CTPS2: variants seen among roughly 807,000 people sequenced by gnomAD.
CTPS2 encodes CTP synthase 2, also known as CTP synthase II.
CTPS2 carries 19 observed loss-of-function variants against 46.8 expected under a neutral mutation model. The ratio of observed to expected loss-of-function variants is 0.41; its 90% confidence interval spans 0.28 to 0.60. The LOEUF is 0.60. CTPS2 is among the 20% of genes least tolerant of loss of function. The probability of loss-of-function intolerance (pLI) is 0.35; values close to 1 mark genes in which losing one functional copy is unlikely to be tolerated. For missense variants in CTPS2, 286 were observed against 447.6 expected, an observed-to-expected ratio of 0.64 and a Z score of 3.26; for synonymous variants, 151 against 165.2, an observed-to-expected ratio of 0.91 and a Z score of 0.66.
intron 13 of CTPS2, chrX:16,654,533 G>A (rs1932773420): frequency 1.0e-6 from 1 of 956,980 alleles, no homozygotes; most frequent in Non-Finnish European, 1.5e-6. Context: ...ATAGAACCCT[G>A]AGCACTGGAG....
At chrX:16,642,982 C>T (rs960907471) in intron 13 of CTPS2, among the ~76,000 whole-genome samples, 1 of 111,960 alleles carries the variant, frequency 8.9e-6, no homozygotes, top group South Asian at 3.7e-4. Context: ...CCAGATTTGT[C>T]CTCTCTTGGA....
intron 14 of CTPS2, among the ~76,000 whole-genome samples, chrX:16,623,085 A>G (rs775799541): frequency 8.9e-6 from 1 of 111,809 alleles, no homozygotes; most frequent in African/African-American, 3.2e-5. Flanking sequence ...CAAAATAGGG[A>G]CCTGACCCTT....
chrX:16,693,336 A>C (rs1371554508), intron 5 of CTPS2, 35 bp downstream of exon 5: 3 of 1,091,281 alleles, frequency 2.7e-6, no homozygotes, highest in Admixed American at 4.4e-5. Flanking sequence ...AAACTTATCA[A>C]AGTTGCTGTC....
chrX:16,698,771 G>A (rs1924330062), intron 3 of CTPS2, 152 bp downstream of exon 3: 1 of 457,950 alleles, frequency 2.2e-6, no homozygotes, highest in Admixed American at 3.9e-5. Flanking sequence ...GGCTGGTCTC[G>A]AACTCCTGAC....
At chrX:16,634,949 C>G (rs1254853314) in intron 14 of CTPS2, among the ~76,000 whole-genome samples, 1 of 84,023 alleles carries the variant, frequency 1.2e-5, no homozygotes, top group Non-Finnish European at 2.4e-5. Flanking sequence ...AACTCTGTCT[C>G]AAAAAGAGAA....
chrX:16,682,952 T>C (rs770471138), intron 9 of CTPS2, 142 bp downstream of exon 9: 62 of 615,076 alleles, frequency 1.0e-4, no homozygotes, highest in Non-Finnish European at 1.5e-4. Flanking sequence ...AGTATAACTA[T>C]ATGATGAGTC....
intron 14 of CTPS2, among the ~76,000 whole-genome samples, chrX:16,629,742 T>C (rs1389719776): frequency 8.9e-6 from 1 of 111,973 alleles, no homozygotes; most frequent in Non-Finnish European, 1.9e-5. Context: ...TTCTTTCAGC[T>C]CTTTCAAATT....
chrX:16,688,674 A>T (rs1026359114), intron 8 of CTPS2, among the ~76,000 whole-genome samples: 1 of 111,681 alleles, frequency 9.0e-6, no homozygotes, highest in Non-Finnish European at 1.9e-5. Flanking sequence ...TGAACAGTTA[A>T]TGAATGCAGG....
intron 14 of CTPS2, among the ~76,000 whole-genome samples, chrX:16,621,057 T>C (rs895652013): frequency 2.3e-4 from 25 of 111,019 alleles, no homozygotes; most frequent in African/African-American, 6.9e-4. Flanking sequence ...TGATAGCACA[T>C]CTATGCCAAC....
In CTPS2 at chrX:16,620,285, G is replaced by A; in HGVS notation, c.1441C>T (p.Arg481Trp). The change falls in exon 15 of 19, where the codon CGG (arginine) becomes TGG (tryptophan). Residue 481 changes from arginine to tryptophan, a missense_variant. By Grantham distance (101) the Arg-to-Trp change is moderately radical. Coordinates refer to ENST00000359276, the MANE Select transcript of CTPS2 (RefSeq NM_175859.3). The part of the protein sequence containing the change: ...VPFIEERHRH[R>W]FEVNPNLIKQ... ...CAGCATGAAAGCCGTACCTCGAACCGATGTCTGTGTCTTTCTTCTATAAAA... is the reference window on the plus strand; with the variant it reads ...CAGCATGAAAGCCGTACCTCGAACCAATGTCTGTGTCTTTCTTCTATAAAA... 4 of 1,201,859 alleles carry A rather than the reference G, an allele frequency of 3.3e-6. No individual in the cohort carries two copies. Among genetic ancestry groups the A allele is most frequent in the Non-Finnish European group, 2.3e-6 (2 of 887,433 alleles).
intron 13 of CTPS2, among the ~76,000 whole-genome samples, chrX:16,640,262 G>A (rs59158729): frequency 0.017 from 1,848 of 111,181 alleles, 33 homozygotes; most frequent in African/African-American, 0.056. Flanking sequence ...TCCTCCCGCC[G>A]TGGCGACTTG....
In CTPS2 at chrX:16,712,393, G is replaced by A. The variant is rs1925531044; in HGVS notation, c.-98C>T. 8.9e-6 allele frequency: 1 copy of A among 112,374 alleles called. No individual in the cohort carries two copies. The highest frequency in any genetic ancestry group is 3.6e-4 in the South Asian group (1 of 2,775). The allele number at this position is 112,374 out of a possible 1,213,427, so 9.3% of individuals were successfully genotyped here. On this transcript the variant is annotated 5_prime_UTR_variant, in exon 1 of 19. Coordinates refer to ENST00000359276, the MANE Select transcript of CTPS2 (RefSeq NM_175859.3). ...CGGTGGGCACGGCGGGCTCCACCCCGCGGCTGGCCTGGCGCTCACCTGTCG... is the reference window on the plus strand; with the variant it reads ...CGGTGGGCACGGCGGGCTCCACCCCACGGCTGGCCTGGCGCTCACCTGTCG...
intron 9 of CTPS2, among the ~76,000 whole-genome samples, chrX:16,679,061 A>G (rs1299140814): frequency 9.0e-6 from 1 of 110,713 alleles, no homozygotes; most frequent in Non-Finnish European, 1.9e-5. Context: ...GGAGAAGGGT[A>G]TGAAATCTCC....
At chrX:16,631,430 G>A (rs1211300086) in intron 14 of CTPS2, among the ~76,000 whole-genome samples, 2 of 111,233 alleles carry the variant, frequency 1.8e-5, no homozygotes. Context: ...GAGGCAGGAG[G>A]ACTGCTTGGG....
chrX:16,707,748 G>A (rs759917956), intron 1 of CTPS2, among the ~76,000 whole-genome samples: 28 of 112,122 alleles, frequency 2.5e-4, no homozygotes, highest in African/African-American at 6.8e-4. Flanking sequence ...CAAGGCGGGC[G>A]GATCACCTGA....
chrX:16,700,112 C>CATT (rs34384786), intron 2 of CTPS2, among the ~76,000 whole-genome samples: 48 of 97,494 alleles, frequency 4.9e-4, no homozygotes, highest in East Asian at 1.0e-3. Context: ...TTTGTATTAC[C>CATT]ATTATTATTA....
At chrX:16,709,846 TC>T (rs1380380564) in intron 1 of CTPS2, among the ~76,000 whole-genome samples, 2 of 22,465 alleles carry the variant, frequency 8.9e-5, no homozygotes, top group African/African-American at 4.6e-4. Context: ...AGACTCTGTC[TC>T]CAAAAAAAAA....
intron 10 of CTPS2, among the ~76,000 whole-genome samples, chrX:16,671,305 G>T (rs1413031573): frequency 9.0e-6 from 1 of 110,522 alleles, no homozygotes; most frequent in Non-Finnish European, 1.9e-5. Context: ...CTCTGTCAAT[G>T]GAGCAGCTAT....
At chrX:16,662,134 T>C (rs1932976089) in intron 13 of CTPS2, among the ~76,000 whole-genome samples, 1 of 110,126 alleles carries the variant, frequency 9.1e-6, no homozygotes, top group Non-Finnish European at 1.9e-5. Flanking sequence ...AGCCATGTGA[T>C]TGATATAGGG....
Sources: allele counts gnomAD v4.1 joint callset (sites outside exome capture counted in the v4.1 genomes callset), GRCh38; gene constraint gnomAD v4.1.1; transcripts MANE v1.5; gene names NCBI Gene and HGNC (gene_info 2026-07-23, HGNC 2026-07-21).